PRKCZ: variants seen among roughly 807,000 people sequenced by gnomAD.
PRKCZ encodes protein kinase C zeta type.
PRKCZ carries 33 observed loss-of-function variants against 79.5 expected under a neutral mutation model. The observed-to-expected ratio is 0.41, with a 90% confidence interval of 0.31 to 0.55. The LOEUF is 0.55. Ranked by LOEUF, PRKCZ falls within the 20% of genes least tolerant of loss-of-function variation. The probability of loss-of-function intolerance (pLI) is 0.19; values close to 1 mark genes in which losing one functional copy is unlikely to be tolerated. For synonymous variants in PRKCZ, 342 were observed against 320.9 expected, an observed-to-expected ratio of 1.07 and a Z score of -0.70; for missense variants, 578 against 813.5, an observed-to-expected ratio of 0.71 and a Z score of 3.52.
chr1:2,084,512 C>T (rs1257599114), intron 4 of PRKCZ, among the ~76,000 whole-genome samples: 5 of 152,348 alleles, frequency 3.3e-5, no homozygotes, highest in Non-Finnish European at 4.4e-5. Context: ...CGCGGCCGGC[C>T]GGCTCACAGA....
In PRKCZ at chr1:2,117,998, C is replaced by CTTTTTTTTTTTTTT. The variant is rs1553152756; in HGVS notation, c.335-17261_335-17248dup. Among the ~76,000 whole-genome samples the CTTTTTTTTTTTTTT allele has an allele frequency of 3.2e-4, 21 of 65,060 alleles. 2 individuals carry two copies. Among genetic ancestry groups the CTTTTTTTTTTTTTT allele is most frequent in the East Asian group, 1.2e-3 (2 of 1,730 alleles). 42.7% of individuals were successfully genotyped at this position (65,060 alleles called of 152,430 possible). On this transcript the variant is annotated intron_variant, in intron 4 of 17. Coordinates refer to ENST00000378567, the MANE Select transcript of PRKCZ (RefSeq NM_002744.6). ...TATGAGAGAGATTAGCCTATTATTT[C>CTTTTTTTTTTTTTT]TTTTTTTTTTTTTTTTGGAGTCTCA...
intron 3 of PRKCZ, among the ~76,000 whole-genome samples, chr1:2,058,525 G>T (rs1660391988): frequency 6.6e-6 from 1 of 152,058 alleles, no homozygotes; most frequent in Admixed American, 6.6e-5. Flanking sequence ...TTTTATTGTG[G>T]TTGTGATAGT....
chr1:2,162,784 C>T (rs534175640), intron 10 of PRKCZ, among the ~76,000 whole-genome samples: 2 of 152,284 alleles, frequency 1.3e-5, no homozygotes, highest in South Asian at 4.1e-4. Context: ...TGTTTCATCT[C>T]GTTTCTGTTA....
chr1:2,178,292 C>T lies in PRKCZ; in HGVS notation c.1575+2979C>T, dbSNP rs752892947. ...GTCATGGAAGTGGACCTGGGCACAC[C>T]GCGGCCTTTCGTGCCTGCCCTCCCC... is the stretch of plus-strand genomic sequence containing the variant. On this transcript the variant is annotated intron_variant, in intron 16 of 17. Transcript: ENST00000378567. The surrounding 1 kb of genome is among the most constrained non-coding windows in gnomAD (Gnocchi z 4.3). Among the ~76,000 whole-genome samples the T allele has an allele frequency of 1.3e-5, 2 of 152,228 alleles. No individual in the cohort carries two copies. The highest frequency in any genetic ancestry group is 1.3e-4 in the Admixed American group (2 of 15,292).
chr1:2,074,320 G>A (rs1661989029), intron 4 of PRKCZ: 1 of 1,549,044 alleles, frequency 6.5e-7, no homozygotes, highest in South Asian at 1.2e-5. Flanking sequence ...GGCTGTGGAG[G>A]GCTGGGGGCC....
chr1:2,167,215 C>CAGA (rs1683508331), intron 10 of PRKCZ, among the ~76,000 whole-genome samples: 1 of 152,258 alleles, frequency 6.6e-6, no homozygotes, highest in Non-Finnish European at 1.5e-5. Context: ...AACTGGCTTT[C>CAGA]AGCACAGTTC....
At chr1:2,116,809 T>C (rs1670847991) in intron 4 of PRKCZ, among the ~76,000 whole-genome samples, 1 of 152,246 alleles carries the variant, frequency 6.6e-6, no homozygotes, top group Non-Finnish European at 1.5e-5. Flanking sequence ...CATTTACAGT[T>C]GGCTTATTTG....
intron 9 of PRKCZ, 45 bp downstream of exon 9, chr1:2,151,023 G>A (rs1277212792): frequency 6.3e-7 from 1 of 1,597,824 alleles, no homozygotes. Context: ...GGAACGCGCT[G>A]CCCTGGGGCC....
chr1:2,149,000 C>G, intron 8 of PRKCZ, 76 bp downstream of exon 8: 2 of 1,484,718 alleles, frequency 1.3e-6, no homozygotes, highest in Admixed American at 3.4e-5. Context: ...GGGGTAGTCA[C>G]GGAAATCTAG....
At chr1:2,155,436 G>A (rs1347772264) in intron 9 of PRKCZ, among the ~76,000 whole-genome samples, 3 of 140,460 alleles carry the variant, frequency 2.1e-5, no homozygotes, top group African/African-American at 7.4e-5. Flanking sequence ...AGTGACGGTT[G>A]TGATGGTGAT....
chr1:2,097,034 G>T (rs1392302633), intron 4 of PRKCZ, among the ~76,000 whole-genome samples: 2 of 152,242 alleles, frequency 1.3e-5, no homozygotes, highest in Non-Finnish European at 2.9e-5. Flanking sequence ...CTTTGTTCTG[G>T]ACGGAGCTGA....
At chr1:2,151,073 C>T (rs1679807123) in intron 9 of PRKCZ, 95 bp downstream of exon 9, 3 of 1,389,626 alleles carry the variant, frequency 2.2e-6, no homozygotes, top group East Asian at 2.4e-5. Flanking sequence ...GCACGAGAGA[C>T]CTAGCCTCAC....
chr1:2,131,007 A>G (rs958842856), intron 4 of PRKCZ, among the ~76,000 whole-genome samples: 5 of 152,328 alleles, frequency 3.3e-5, no homozygotes, highest in African/African-American at 4.8e-5. Context: ...AAGCAGTGCC[A>G]GCACACTTGG....
intron 4 of PRKCZ, among the ~76,000 whole-genome samples, chr1:2,070,646 G>A (rs541103279): frequency 3.3e-5 from 5 of 152,108 alleles, no homozygotes; most frequent in African/African-American, 7.2e-5. Flanking sequence ...TGGTCCTGGG[G>A]CAGATAGCAG....
At chr1:2,107,967 C>T (rs1668914756) in intron 4 of PRKCZ, among the ~76,000 whole-genome samples, 1 of 150,536 alleles carries the variant, frequency 6.6e-6, no homozygotes, top group Non-Finnish European at 1.5e-5. Context: ...GTCAAGGGAG[C>T]CCCCAGACAG....
chr1:2,074,533 C>T (rs1160220453), intron 4 of PRKCZ, among the ~76,000 whole-genome samples: 1 of 152,122 alleles, frequency 6.6e-6, no homozygotes, highest in Admixed American at 6.5e-5. Context: ...GTCTGGAGAC[C>T]CCAGGTGCCA....
intron 5 of PRKCZ, chr1:2,142,749 G>GCACTGTCCTAGGTGCTGGT (rs1553162827): frequency 6.2e-6 from 1 of 161,226 alleles, no homozygotes; most frequent in Non-Finnish European, 1.4e-5. Flanking sequence ...TGTGTGCTGG[G>GCACTGTCCTAGGTGCTGGT]CACTGTCCTA....
chr1:2,048,687 T>C (rs1659426857), upstream of PRKCZ, among the ~76,000 whole-genome samples: 2 of 151,992 alleles, frequency 1.3e-5, no homozygotes, highest in African/African-American at 2.4e-5. Context: ...TGAGTGTTGG[T>C]TGGGAGCTCA....
At chr1:2,108,258 C>T (rs1036337138) in intron 4 of PRKCZ, among the ~76,000 whole-genome samples, 3 of 152,250 alleles carry the variant, frequency 2.0e-5, no homozygotes, top group African/African-American at 7.2e-5. Context: ...ACCCCGGCCT[C>T]TTCGCCCCTG....
Sources: gnomAD v4.1 joint callset for allele counts (sites outside exome capture counted in the v4.1 genomes callset) on GRCh38, gnomAD v4.1.1 for gene constraint, Gnocchi (gnomAD v3.1) non-coding constraint, MANE v1.5 for transcripts, NCBI Gene and HGNC (gene_info 2026-07-23, HGNC 2026-07-21) for gene names.